Variants in ASAP3 observed in about 807,000 individuals in gnomAD.
ASAP3 encodes the protein ArfGAP with SH3 domain, ankyrin repeat and PH domain 3.
A neutral mutation model predicts 118.2 loss-of-function variants in ASAP3; 85 were observed. That is an observed-to-expected ratio of 0.72 (90% CI 0.60 to 0.86). The LOEUF is 0.86. Among genes scored for constraint, ASAP3 ranks in the 40% least tolerant of loss-of-function variants. The pLI is 0.00. For synonymous variants in ASAP3, 432 were observed against 477.4 expected, an observed-to-expected ratio of 0.90 and a Z score of 1.24; for missense variants, 1,026 against 1,175.0, an observed-to-expected ratio of 0.87 and a Z score of 1.85.
chr1:23,466,906 A>G (rs1274111483), intron 1 of ASAP3, among the ~76,000 whole-genome samples: 2 of 152,060 alleles, frequency 1.3e-5, no homozygotes, highest in Non-Finnish European at 2.9e-5. Context: ...CTCGCTCTGT[A>G]GCCCAGGCTG....
chr1:23,477,737 A>G (rs990995846), intron 1 of ASAP3, among the ~76,000 whole-genome samples: 1 of 152,198 alleles, frequency 6.6e-6, no homozygotes, highest in African/African-American at 2.4e-5. Context: ...TTTTGGAGAC[A>G]GGGTCTTGCT....
intron 5 of ASAP3, among the ~76,000 whole-genome samples, chr1:23,443,406 A>G (rs1195487619): frequency 1.3e-5 from 2 of 152,128 alleles, no homozygotes; most frequent in Admixed American, 6.5e-5. Flanking sequence ...GTCTGTCCAC[A>G]TGTACCCATT....
At chr1:23,478,909 G>A (rs1180752560) in intron 1 of ASAP3, among the ~76,000 whole-genome samples, 1 of 152,224 alleles carries the variant, frequency 6.6e-6, no homozygotes, top group Admixed American at 6.5e-5. Flanking sequence ...AACCTGGACT[G>A]TGTGAAATAA....
rs562915414 is a variant in ASAP3 at position 23,462,319 on chromosome 1, C to T, written c.130-6125G>A. On this transcript the variant is annotated intron_variant, in intron 1 of 24. Coordinates refer to ENST00000336689, the MANE Select transcript of ASAP3 (RefSeq NM_017707.4). ...GATTACAGGCGTGAGCCACCGCGCC[C>T]GGCCACAAACTGTTTTTCGATGCCC... is the stretch of plus-strand genomic sequence containing the variant. Among the ~76,000 whole-genome samples, 11 of 151,978 alleles carry T rather than the reference C, an allele frequency of 7.2e-5. No individual in the cohort carries two copies. In the South Asian group the frequency reaches 8.3e-4, roughly 11 times the overall value.
chr1:23,450,814 G>A (rs1171382230), intron 5 of ASAP3, among the ~76,000 whole-genome samples: 1 of 151,854 alleles, frequency 6.6e-6, no homozygotes, highest in Non-Finnish European at 1.5e-5. Flanking sequence ...GGGCCTGGCT[G>A]GGCAGAGGGC....
At chr1:23,484,225 G>A (rs1282666950), upstream of ASAP3, 6 of 1,166,540 alleles carry the variant, frequency 5.1e-6, no homozygotes, top group East Asian at 3.6e-5. Context: ...CGGGGGCGCC[G>A]TCCCGGCCTC....
intron 5 of ASAP3, among the ~76,000 whole-genome samples, chr1:23,449,563 G>A (rs1469400406): frequency 6.6e-6 from 1 of 152,138 alleles, no homozygotes; most frequent in Admixed American, 6.5e-5. Context: ...AGGAACTTAC[G>A]GCTCACGCAT....
chr1:23,465,008 T>C (rs1291306622), intron 1 of ASAP3, among the ~76,000 whole-genome samples: 1 of 152,210 alleles, frequency 6.6e-6, no homozygotes, highest in East Asian at 1.9e-4. Context: ...AGGTACCTGA[T>C]GTGATCTCTC....
At chr1:23,431,571 T>C in intron 23 of ASAP3, 125 bp downstream of exon 23, 2 of 930,084 alleles carry the variant, frequency 2.2e-6, no homozygotes, top group Non-Finnish European at 3.2e-6. Context: ...TCTGCATAAG[T>C]GATGGGCCCA....
In ASAP3 at chr1:23,434,544, G is replaced by A. The variant is rs149803132; in HGVS notation, c.1824C>T (p.Ile608=). 89 of 1,614,006 alleles carry A rather than the reference G, an allele frequency of 5.5e-5. No individual in the cohort carries two copies. The African/African-American group carries it at 9.6e-4, about 17-fold the overall frequency. ...AGGGAGGCTCTCACCCGTTCTGGAT[G>A]ATGAAATCCACCAGAGGCAGGGAAG... ...NQASLPLVDF[I]IQNGGHLDAK... Residue 608 remains isoleucine (I), a synonymous_variant, in exon 18 of 25, where the codon ATC becomes ATT. Transcript: ENST00000336689.
chr1:23,437,577 C>A lies in ASAP3; in HGVS notation c.1103-105G>T, dbSNP rs2148611403. ...GCTGGGGCCACATGGAGATGTGTCC[C>A]TGACAAGTCGGACTCTCAAGCTAGG... On this transcript the variant is annotated intron_variant, in intron 12 of 24. Coordinates refer to ENST00000336689, the MANE Select transcript of ASAP3 (RefSeq NM_017707.4). The surrounding 1 kb of genome is among the most constrained non-coding windows in gnomAD (Gnocchi z 6.1). 1 of 1,401,452 alleles carries A rather than the reference C, an allele frequency of 7.1e-7. No individual in the cohort carries two copies. The highest frequency in any genetic ancestry group is 2.0e-5 in the Admixed American group (1 of 48,972). 86.8% of individuals were successfully genotyped at this position (1,401,452 alleles called of 1,614,324 possible).
chr1:23,481,158 G>A (rs1403399652), intron 1 of ASAP3, among the ~76,000 whole-genome samples: 1 of 152,150 alleles, frequency 6.6e-6, no homozygotes, highest in Non-Finnish European at 1.5e-5. Context: ...ATCTGAGAGA[G>A]TTTCTAGCTG....
upstream of ASAP3, chr1:23,484,521 A>G: frequency 7.2e-6 from 1 of 139,056 alleles, no homozygotes; most frequent in Non-Finnish European, 1.4e-5. Flanking sequence ...CTGCCCCTTC[A>G]GGGCTCTGTC....
At chr1:23,463,974 T>C (rs1187989370) in intron 1 of ASAP3, among the ~76,000 whole-genome samples, 5 of 152,076 alleles carry the variant, frequency 3.3e-5, no homozygotes, top group Non-Finnish European at 7.4e-5. Context: ...AACATGAGTA[T>C]GGTTCTTACT....
At chr1:23,461,854 G>C (rs1641599660) in intron 1 of ASAP3, among the ~76,000 whole-genome samples, 1 of 152,078 alleles carries the variant, frequency 6.6e-6, no homozygotes, top group South Asian at 2.1e-4. Flanking sequence ...CTAGTGATTA[G>C]GAAACTACCC....
intron 5 of ASAP3, among the ~76,000 whole-genome samples, chr1:23,446,439 C>CTT (rs11365378): frequency 1.5e-5 from 2 of 130,204 alleles, no homozygotes; most frequent in African/African-American, 5.5e-5. Flanking sequence ...GTTTTTTTGT[C>CTT]TTTTTTTTTT....
At chr1:23,447,950 A>G (rs1398317324) in intron 5 of ASAP3, among the ~76,000 whole-genome samples, 1 of 152,212 alleles carries the variant, frequency 6.6e-6, no homozygotes, top group Non-Finnish European at 1.5e-5. Context: ...TGACATAGTC[A>G]TTCTGAGATG....
Position 23,442,275 on chromosome 1 carries a change from G to A in ASAP3, c.586-4C>T, listed in dbSNP as rs780292526. On this transcript the variant is annotated splice_polypyrimidine_tract_variant and splice_region_variant and intron_variant, in intron 6 of 24. Transcript: ENST00000336689. ...TCTCCCCGGCTTTGAGCAGATACTA[G>A]GAGGAGGGCAGGGCAAGATACGTGA... 6.2e-7 allele frequency: 1 copy of A among 1,601,496 alleles called. No individual in the cohort carries two copies. Among genetic ancestry groups the A allele is most frequent in the South Asian group, 1.1e-5 (1 of 88,382 alleles).
Position 23,434,588 on chromosome 1 carries a change from C to G in ASAP3, c.1780G>C (p.Val594Leu), listed in dbSNP as rs774503253. 12 of 1,614,030 alleles carry G rather than the reference C, an allele frequency of 7.4e-6. No homozygotes were observed. In the Admixed American group the frequency reaches 1.3e-4, roughly 18 times the overall value. The change falls in exon 18 of 25, where the codon GTC (valine) becomes CTC (leucine). Residue 594 changes from valine to leucine, a missense_variant. Coordinates refer to ENST00000336689, the MANE Select transcript of ASAP3 (RefSeq NM_017707.4). ...APEELVLHLA[V>L]KVANQASLPL... is the part of the protein sequence containing the mutation. Reference sequence around the variant, plus strand: ...AGGGAAGCCTGGTTGGCGACTTTGACAGCCAAATGCAAGACGAGTTCTTCA... The same window carrying G: ...AGGGAAGCCTGGTTGGCGACTTTGAGAGCCAAATGCAAGACGAGTTCTTCA...
Sources: gnomAD v4.1 joint callset for allele counts (sites outside exome capture counted in the v4.1 genomes callset) on GRCh38, gnomAD v4.1.1 for gene constraint, Gnocchi (gnomAD v3.1) non-coding constraint, MANE v1.5 for transcripts, NCBI Gene and HGNC (gene_info 2026-07-23, HGNC 2026-07-21) for gene names.